The following EFCC1 variants were observed in gnomAD, a reference collection of about 807,000 sequenced individuals.
The protein encoded by EFCC1 is EF-hand and coiled-coil domain-containing protein 1.
Under a neutral mutation model 52.1 loss-of-function variants are expected in EFCC1, and 50 were observed. That is an observed-to-expected ratio of 0.96 (90% confidence interval 0.76 to 1.21). EFCC1 has a LOEUF of 1.21. Ranked by LOEUF, EFCC1 falls within the 50% of genes most tolerant of loss-of-function variation. The pLI, the probability that EFCC1 is intolerant of heterozygous loss-of-function variation, is 0.00. For synonymous variants in EFCC1, 399 were observed against 396.5 expected (o/e 1.01, Z -0.08); for missense variants, 837 against 867.3 (o/e 0.97, Z 0.44).
rs1221621631 is a variant in EFCC1 at position 129,003,996 on chromosome 3, G to T, written c.899G>T (p.Arg300Leu). Residue 300 changes from arginine (R) to leucine (L), a missense_variant, in exon 2 of 8, where the codon CGA becomes CTA. By Grantham distance (102) the Arg-to-Leu change is moderately radical (BLOSUM62 -2). Transcript: ENST00000683648. ...QVVLRSLHRV[R>L]ELEALAQQVP... ...GTGCTGCGCAGCCTGCACCGCGTGC[G>T]AGAGCTGGAGGCGCTGGCGCAACAG... The T allele has an allele frequency of 6.7e-7, 1 of 1,501,996 alleles. No homozygotes were observed. The highest frequency in any genetic ancestry group is 1.2e-5 in the South Asian group (1 of 82,042). 93.0% of individuals were successfully genotyped at this position (1,501,996 alleles called of 1,614,324 possible).
intron 7 of EFCC1, 123 bp from the exon 8 acceptor site, chr3:129,039,581 AGGAAGCTG>A: frequency 7.2e-7 from 1 of 1,396,688 alleles, no homozygotes. Context: ...CCACAGAGCG[AGGAAGCTG>A]GGCAGGGCTG....
intron 2 of EFCC1, among the ~76,000 whole-genome samples, chr3:129,012,931 C>T (rs946736081): frequency 6.6e-6 from 1 of 152,072 alleles, no homozygotes; most frequent in African/African-American, 2.4e-5. Context: ...GGGCCTGGCG[C>T]ATGGATGGTT....
At chr3:129,021,458 C>T (rs1247948179) in intron 2 of EFCC1, among the ~76,000 whole-genome samples, 1 of 152,158 alleles carries the variant, frequency 6.6e-6, no homozygotes, top group East Asian at 1.9e-4. Context: ...CCTGTAGTCC[C>T]AGCTACTGGG....
chr3:129,013,460 CTCTT>C (rs1188210381), intron 2 of EFCC1, among the ~76,000 whole-genome samples: 4 of 152,198 alleles, frequency 2.6e-5, no homozygotes, highest in Non-Finnish European at 2.9e-5. Context: ...TACCTGGAAT[CTCTT>C]TCTTTCTATC....
intron 2 of EFCC1, among the ~76,000 whole-genome samples, chr3:129,011,675 C>G (rs1945336144): frequency 6.6e-6 from 1 of 152,126 alleles, no homozygotes; most frequent in African/African-American, 2.4e-5. Context: ...GGAGGAGGAG[C>G]CGTGGGCTCT....
chr3:129,024,453 C>T (rs2107922484), intron 2 of EFCC1, among the ~76,000 whole-genome samples: 1 of 151,948 alleles, frequency 6.6e-6, no homozygotes, highest in South Asian at 2.1e-4. Flanking sequence ...ATCACTTGAA[C>T]CTGAGAGGCA....
chr3:129,024,856 G>C (rs761878212), intron 2 of EFCC1, among the ~76,000 whole-genome samples: 4 of 152,210 alleles, frequency 2.6e-5, no homozygotes, highest in Non-Finnish European at 5.9e-5. Context: ...TCAAACCATA[G>C]CAGAGGGAGA....
chr3:129,036,827 C>T (rs1443235272), intron 5 of EFCC1, 150 bp from the exon 6 acceptor site: 12 of 1,072,266 alleles, frequency 1.1e-5, no homozygotes, highest in Non-Finnish European at 1.4e-5. Context: ...ACAACTCTTA[C>T]ATCAGTCCAA....
chr3:129,017,157 A>G (rs909414097), intron 2 of EFCC1, among the ~76,000 whole-genome samples: 8 of 152,230 alleles, frequency 5.3e-5, no homozygotes, highest in African/African-American at 1.9e-4. Flanking sequence ...CCAGAATTGC[A>G]TCACATGCCT....
In EFCC1 at chr3:129,017,218, G is replaced by A. The variant is rs116826407; in HGVS notation, c.980+13141G>A. On this transcript the variant is annotated intron_variant, in intron 2 of 7. Transcript: ENST00000683648. ...TTCATGATTGAGGCTTCGTGAAGGC[G>A]GCTTCATGATTGGCTCAGGCCAGTC... is the stretch of plus-strand genomic sequence containing the variant. Among the ~76,000 whole-genome samples, 250 of 152,350 alleles carry A rather than the reference G, an allele frequency of 1.6e-3. 1 individual carries two copies. Among genetic ancestry groups the A allele is most frequent in the African/African-American group, 4.1e-3 (170 of 41,570 alleles).
At chr3:129,037,205 G>C in intron 6 of EFCC1, 88 bp downstream of exon 6, 1 of 1,456,740 alleles carries the variant, frequency 6.9e-7, no homozygotes, top group Non-Finnish European at 9.0e-7. Flanking sequence ...CAGGCTCTAG[G>C]CTCTCCTTAC....
At chr3:129,002,385 G>C in intron 1 of EFCC1, 61 bp downstream of exon 1, 1 of 1,474,742 alleles carries the variant, frequency 6.8e-7, no homozygotes, top group Non-Finnish European at 8.9e-7. Context: ...ACTAAAAGCT[G>C]GCTGGCTGCG....
chr3:129,036,087 C>A (rs1946350702), intron 5 of EFCC1, among the ~76,000 whole-genome samples: 1 of 152,236 alleles, frequency 6.6e-6, no homozygotes, highest in African/African-American at 2.4e-5. Flanking sequence ...TCAGGAAAGT[C>A]ATAGCCCTGT....
chr3:129,038,796 A>G (rs781353174), intron 6 of EFCC1, 35 bp from the exon 7 acceptor site: 2 of 1,606,732 alleles, frequency 1.2e-6, no homozygotes, highest in Non-Finnish European at 1.7e-6. Context: ...CACAGCAACC[A>G]GTCTAATCCA....
At chr3:129,038,770 A>C (rs1946387522) in intron 6 of EFCC1, 61 bp from the exon 7 acceptor site, 1 of 1,556,874 alleles carries the variant, frequency 6.4e-7, no homozygotes, top group Non-Finnish European at 8.9e-7. Context: ...ACCAGTTCCC[A>C]TCGGCTGAAC....
intron 2 of EFCC1, among the ~76,000 whole-genome samples, chr3:129,012,494 T>C (rs1340317947): frequency 6.6e-6 from 1 of 152,132 alleles, no homozygotes; most frequent in African/African-American, 2.4e-5. Flanking sequence ...GGACCCCAGA[T>C]TCATGACTTT....
chr3:129,039,584 A>C, intron 7 of EFCC1, 128 bp from the exon 8 acceptor site: 1 of 1,410,854 alleles, frequency 7.1e-7, no homozygotes, highest in South Asian at 1.5e-5. Context: ...CAGAGCGAGG[A>C]AGCTGGGCAG....
chr3:129,030,959 C>A, intron 3 of EFCC1, 99 bp downstream of exon 3: 3 of 1,401,602 alleles, frequency 2.1e-6, no homozygotes, highest in Non-Finnish European at 2.8e-6. Flanking sequence ...ATGCTACCAC[C>A]AGCCTCCAAA....
At chr3:129,004,563 C>T (rs1944986279) in intron 2 of EFCC1, among the ~76,000 whole-genome samples, 1 of 150,540 alleles carries the variant, frequency 6.6e-6, no homozygotes, top group Non-Finnish European at 1.5e-5. Flanking sequence ...GCCGTCCATC[C>T]ATCCTCCTGT....
Sources: gnomAD v4.1 joint callset for allele counts (sites outside exome capture counted in the v4.1 genomes callset) on GRCh38, gnomAD v4.1.1 for gene constraint, MANE v1.5 for transcripts, NCBI Gene and HGNC (gene_info 2026-07-23, HGNC 2026-07-21) for gene names.